Variants in MYOCD observed in about 807,000 individuals in gnomAD.
MYOCD encodes the protein myocardin.
A neutral mutation model predicts 96.1 loss-of-function variants in MYOCD; 32 were observed. The observed-to-expected ratio is 0.33, with a 90% confidence interval of 0.25 to 0.45. The LOEUF is 0.45. Among genes scored for constraint, MYOCD ranks in the 20% least tolerant of loss-of-function variants. The pLI is 1.00. For missense variants in MYOCD, 1,133 were observed against 1,200.6 expected (o/e 0.94, Z 0.83); for synonymous variants, 469 against 469.0 (o/e 1.00, Z 0.00).
At chr17:12,741,281 G>A (rs1022315330) in intron 7 of MYOCD, among the ~76,000 whole-genome samples, 20 of 152,146 alleles carry the variant, frequency 1.3e-4, no homozygotes, top group African/African-American at 3.1e-4. Context: ...TCAACAGGTC[G>A]GAAATTATGT....
At chr17:12,710,545 C>T (rs1597768560) in intron 2 of MYOCD, 1 of 982,848 alleles carries the variant, frequency 1.0e-6, no homozygotes, top group Admixed American at 6.2e-5. Context: ...CTTGGTAAAT[C>T]CCTGAATTTT....
At chr17:12,728,254 A>G (rs2032059826) in intron 5 of MYOCD, among the ~76,000 whole-genome samples, 1 of 152,146 alleles carries the variant, frequency 6.6e-6, no homozygotes, top group Admixed American at 6.5e-5. Context: ...TGGTCATCAG[A>G]GCATTTTCTT....
intron 5 of MYOCD, among the ~76,000 whole-genome samples, chr17:12,727,298 T>TAA (rs1486261572): frequency 6.6e-6 from 1 of 152,144 alleles, no homozygotes; most frequent in Admixed American, 6.5e-5. Flanking sequence ...TCAGCCTCTT[T>TAA]AGCAATGACC....
intron 1 of MYOCD, among the ~76,000 whole-genome samples, chr17:12,697,918 T>G (rs116803883): frequency 0.022 from 3,323 of 152,254 alleles, 48 homozygotes; most frequent in African/African-American, 0.037. Flanking sequence ...CCCAACTATT[T>G]GGGATAAATT....
intron 2 of MYOCD, among the ~76,000 whole-genome samples, chr17:12,709,770 G>A (rs1032186078): frequency 3.9e-5 from 6 of 152,088 alleles, no homozygotes; most frequent in East Asian, 1.9e-4. Flanking sequence ...CTACATTCTC[G>A]TGGCATTAGG....
chr17:12,768,124 G>C lies in MYOCD; in HGVS notation c.*4480G>C, dbSNP rs2033387965. 6.6e-6 allele frequency: 1 copy of C among 151,992 alleles called. No individual in the cohort carries two copies. Among genetic ancestry groups the C allele is most frequent in the Non-Finnish European group, 1.5e-5 (1 of 68,024 alleles). The allele number at this position is 151,992 out of a possible 1,614,324, so 9.4% of individuals were successfully genotyped here. On this transcript the variant is annotated 3_prime_UTR_variant, in exon 14 of 14. Transcript: ENST00000425538. ...AATATAAATTTGTAGGTTGGTTCAGGGTCAAAATTGCCAGTGCTTTATTAG... is the reference window on the plus strand; with the variant it reads ...AATATAAATTTGTAGGTTGGTTCAGCGTCAAAATTGCCAGTGCTTTATTAG...
rs183574340 is a variant in MYOCD, at chr17:12,699,211, G to A, written c.56-5917G>A. On this transcript the variant is annotated intron_variant, in intron 1 of 13. Coordinates refer to ENST00000425538, the MANE Select transcript of MYOCD (RefSeq NM_001146312.3). ...CCAGTCTTGGCTCACTGCAACCTCCGCTTCCCGGGTTCAAGTGATTCTCAT... is the reference window on the plus strand; with the variant it reads ...CCAGTCTTGGCTCACTGCAACCTCCACTTCCCGGGTTCAAGTGATTCTCAT... Among the ~76,000 whole-genome samples the A allele has an allele frequency of 8.4e-3, 1,283 of 152,144 alleles. 12 individuals are homozygous for A. Among genetic ancestry groups the A allele is most frequent in the Non-Finnish European group, 0.01 (704 of 67,994 alleles).
Position 12,756,546 on chromosome 17 carries a change from G to T in MYOCD, c.2191G>T (p.Val731Leu), listed in dbSNP as rs1397561749. ...GGNPCPKSPC[V>L]QQKMAGLHSS... ...AAACCCTTGTCCCAAAAGCCCATGT[G>T]TACAGCAAAAGGTAGGCACCTGAAA... Residue 731 changes from valine to leucine, a missense_variant, in exon 11 of 14, where the codon GTA becomes TTA. Coordinates refer to ENST00000425538, the MANE Select transcript of MYOCD (RefSeq NM_001146312.3). 7.7e-6 allele frequency: 12 copies of T among 1,551,078 alleles called. No homozygotes were observed. Among genetic ancestry groups the T allele is most frequent in the Non-Finnish European group, 8.7e-6 (10 of 1,146,812 alleles).
In MYOCD at chr17:12,767,007, G is replaced by A. The variant is rs2033357011; in HGVS notation, c.*3363G>A. ...GAAGAGGGAGGGAGCGAGGAAGGAAGATAGGAGATGGGTAGGGGGGTAAAG... is the reference window on the plus strand; with the variant it reads ...GAAGAGGGAGGGAGCGAGGAAGGAAAATAGGAGATGGGTAGGGGGGTAAAG... On this transcript the variant is annotated 3_prime_UTR_variant, in exon 14 of 14. Transcript: ENST00000425538. 2 of 150,902 alleles carry A rather than the reference G, an allele frequency of 1.3e-5. No individual in the cohort carries two copies. Among genetic ancestry groups the A allele is most frequent in the Admixed American group, 1.3e-4 (2 of 15,036 alleles). The allele number at this position is 150,902 out of a possible 1,614,324, so 9.3% of individuals were successfully genotyped here. A position where few individuals can be genotyped will look rare whatever the true frequency, so the allele number is the denominator to read the frequency against.
intron 1 of MYOCD, among the ~76,000 whole-genome samples, chr17:12,704,240 T>C (rs1228646699): frequency 6.6e-6 from 1 of 152,110 alleles, no homozygotes; most frequent in Non-Finnish European, 1.5e-5. Context: ...TGTCAGTGTA[T>C]ACAGAGAAAA....
chr17:12,756,520 G>A lies in MYOCD; in HGVS notation c.2165G>A (p.Gly722Glu), dbSNP rs866027564. 2.6e-6 allele frequency: 4 copies of A among 1,551,528 alleles called. No homozygotes were observed. The highest frequency in any genetic ancestry group is 3.5e-6 in the Non-Finnish European group (4 of 1,146,976). The change falls in exon 11 of 14, where the codon GGA becomes GAA. Residue 722 changes from glycine (G) to glutamate (E), a missense_variant. Gly to Glu is a moderately conservative substitution (Grantham distance 98, BLOSUM62 -2). Transcript: ENST00000425538. ...AQADSSHGAG[G>E]NPCPKSPCVQ... ...GCAGACAGCAGTCATGGTGCCGGGGGAAACCCTTGTCCCAAAAGCCCATGT... is the reference window on the plus strand; with the variant it reads ...GCAGACAGCAGTCATGGTGCCGGGGAAAACCCTTGTCCCAAAAGCCCATGT...
chr17:12,716,743 T>C (rs1303566030), intron 3 of MYOCD, among the ~76,000 whole-genome samples: 1 of 151,964 alleles, frequency 6.6e-6, no homozygotes, highest in Non-Finnish European at 1.5e-5. Context: ...TTTGGGAGGC[T>C]GAGGTGGGCA....
rs3050319 is a variant in MYOCD at position 12,734,504 on chromosome 17, C to CTTTTTTT, written c.416-1639_416-1633dup. On this transcript the variant is annotated intron_variant, in intron 5 of 13. Coordinates refer to ENST00000425538, the MANE Select transcript of MYOCD (RefSeq NM_001146312.3). Reference sequence around the variant, plus strand: ...CTGGCCCTCAGTAATACACATGATCCTTTTTTTTTTTTTTTTTTTTTTTTG... The same window carrying CTTTTTTT: ...CTGGCCCTCAGTAATACACATGATCCTTTTTTTTTTTTTTTTTTTTTTTTTTTTTTTG... 2.3e-3 allele frequency among the ~76,000 whole-genome samples: 150 copies of CTTTTTTT among 65,472 alleles called. 9 individuals carry two copies. The highest frequency in any genetic ancestry group is 0.015 in the Middle Eastern group (1 of 66). The allele number at this position is 65,472 out of a possible 152,430, so 43.0% of individuals were successfully genotyped here. A position where few individuals can be genotyped will look rare whatever the true frequency, so the allele number is the denominator to read the frequency against.
At chr17:12,694,202 C>T (rs1006125566) in intron 1 of MYOCD, among the ~76,000 whole-genome samples, 12 of 152,138 alleles carry the variant, frequency 7.9e-5, no homozygotes, top group East Asian at 3.9e-4. Context: ...CACAAATGGG[C>T]GCAGCAAGCT....
chr17:12,710,201 T>A lies in MYOCD; in HGVS notation c.121+5008T>A, dbSNP rs1258640152. Among the ~76,000 whole-genome samples the A allele has an allele frequency of 1.3e-5, 2 of 152,212 alleles. 1 individual carries two copies. The highest frequency in any genetic ancestry group is 2.9e-5 in the Non-Finnish European group (2 of 68,042). On this transcript the variant is annotated intron_variant, in intron 2 of 13. Coordinates refer to ENST00000425538, the MANE Select transcript of MYOCD (RefSeq NM_001146312.3). ...GATTGAAGGAAAGATGACTTTTTCC[T>A]CTCCGTCTCCCTCTGCTACTAAAGT... is the stretch of plus-strand genomic sequence containing the variant.
intron 1 of MYOCD, among the ~76,000 whole-genome samples, chr17:12,702,326 G>C (rs372482168): frequency 1.3e-5 from 2 of 151,932 alleles, no homozygotes; most frequent in African/African-American, 4.8e-5. Context: ...AAATAGACTT[G>C]ATGTCTATTT....
At chr17:12,728,316 T>C (rs1935562506) in intron 5 of MYOCD, among the ~76,000 whole-genome samples, 1 of 152,190 alleles carries the variant, frequency 6.6e-6, no homozygotes, top group Non-Finnish European at 1.5e-5. Context: ...ATTGTCCAGA[T>C]GTCTGACTCC....
chr17:12,675,843 A>G (rs556542420), intron 1 of MYOCD, among the ~76,000 whole-genome samples: 1 of 152,350 alleles, frequency 6.6e-6, no homozygotes, highest in East Asian at 1.9e-4. Context: ...TGGGTGACAG[A>G]GCAAGACTCC....
At chr17:12,695,164 A>G (rs1158166506) in intron 1 of MYOCD, among the ~76,000 whole-genome samples, 1 of 152,204 alleles carries the variant, frequency 6.6e-6, no homozygotes, top group Non-Finnish European at 1.5e-5. Flanking sequence ...GTAACTTATA[A>G]GCCACAATAA....
Sources: gnomAD v4.1 joint callset for allele counts (sites outside exome capture counted in the v4.1 genomes callset) on GRCh38, gnomAD v4.1.1 for gene constraint, MANE v1.5 for transcripts, NCBI Gene and HGNC (gene_info 2026-07-23, HGNC 2026-07-21) for gene names.